CTF1: variants seen among roughly 807,000 people sequenced by gnomAD.
CTF1 encodes the protein cardiotrophin 1.
CTF1 carries 9 observed loss-of-function variants against 10.9 expected under a neutral mutation model. The observed-to-expected ratio is 0.83, with a 90% confidence interval of 0.50 to 1.44. The LOEUF is 1.44. CTF1 is among the 40% of genes most tolerant of loss of function. The pLI is 0.00. For missense variants in CTF1, 259 were observed against 275.3 expected, an observed-to-expected ratio of 0.94 and a Z score of 0.42; for synonymous variants, 133 against 138.8, an observed-to-expected ratio of 0.96 and a Z score of 0.29.
chr16:30,897,712 G>A (rs146009261), intron 1 of CTF1, among the ~76,000 whole-genome samples: 4 of 152,146 alleles, frequency 2.6e-5, no homozygotes, highest in Non-Finnish European at 5.9e-5. Flanking sequence ...AAAATTAACC[G>A]GGCATGGTGG....
chr16:30,896,139 C>A (rs535132788), upstream of CTF1, among the ~76,000 whole-genome samples: 1 of 152,174 alleles, frequency 6.6e-6, no homozygotes, highest in African/African-American at 2.4e-5. Context: ...GTGGGTGTGA[C>A]AATGAGATTG....
rs747626468 is a variant in CTF1 at position 30,902,091 on chromosome 16, G to A, written c.158G>A (p.Gly53Glu). 6.9e-7 allele frequency: 1 copy of A among 1,439,758 alleles called. No homozygotes were observed. Among genetic ancestry groups the A allele is most frequent in the South Asian group, 1.3e-5 (1 of 74,168 alleles). 89.2% of individuals were successfully genotyped at this position (1,439,758 alleles called of 1,614,324 possible). The change falls in exon 3 of 3, where the codon GGA becomes GAA. Residue 53 changes from glycine to glutamate, a missense_variant. Transcript: ENST00000279804. Reference protein sequence around the residue: ...QLLQEYVQLQGDPFGLPSFSP... With the variant: ...QLLQEYVQLQEDPFGLPSFSP... The stretch of plus-strand genomic sequence containing the variant: ...GTGTCTCCGCAGGTGCAGCTCCAGG[G>A]AGACCCCTTCGGGCTGCCCAGCTTC...
Position 30,902,612 on chromosome 16 carries a change from GC to G in CTF1, c.*75del. 7.1e-7 allele frequency: 1 copy of G among 1,415,446 alleles called. No individual in the cohort carries two copies. Among genetic ancestry groups the G allele is most frequent in the East Asian group, 3.0e-5 (1 of 32,842 alleles). 87.7% of individuals were successfully genotyped at this position (1,415,446 alleles called of 1,614,324 possible). A position where few individuals can be genotyped will look rare whatever the true frequency, so the allele number is the denominator to read the frequency against. On this transcript the variant is annotated 3_prime_UTR_variant, in exon 3 of 3. Coordinates refer to ENST00000279804, the MANE Select transcript of CTF1 (RefSeq NM_001330.5). ...TCCTTCCGCTTCTTTGTCTTTCTCT[GC>G]CGCTGTCGGTGTCTGTCTGTCTGCT...
In CTF1 at chr16:30,902,751, C is replaced by A; in HGVS notation, c.*212C>A. On this transcript the variant is annotated 3_prime_UTR_variant, in exon 3 of 3. Transcript: ENST00000279804. Reference sequence around the variant, plus strand: ...GTGCAGTGGCGCGATCCCAGCACTGCAGCCTCAACCTCCTGGGCTCAAGCC... The same window carrying A: ...GTGCAGTGGCGCGATCCCAGCACTGAAGCCTCAACCTCCTGGGCTCAAGCC... 1 of 586,528 alleles carries A rather than the reference C, an allele frequency of 1.7e-6. No individual in the cohort carries two copies. The highest frequency in any genetic ancestry group is 2.5e-6 in the Non-Finnish European group (1 of 394,234). The allele number at this position is 586,528 out of a possible 1,614,324, so 36.3% of individuals were successfully genotyped here.
upstream of CTF1, chr16:30,896,576 A>G (rs759518378): frequency 8.1e-6 from 10 of 1,241,680 alleles, no homozygotes; most frequent in Non-Finnish European, 9.2e-6. Context: ...CCACGCCCCC[A>G]GCCCTTTCCC....
In CTF1 at chr16:30,899,542, GAA is replaced by G; in HGVS notation, c.144+10_144+11del. The G allele has an allele frequency of 2.6e-6, 2 of 783,000 alleles. No individual in the cohort carries two copies. Among genetic ancestry groups the G allele is most frequent in the East Asian group, 3.6e-5 (1 of 27,906 alleles). The allele number at this position is 783,000 out of a possible 1,614,324, so 48.5% of individuals were successfully genotyped here. A position where few individuals can be genotyped will look rare whatever the true frequency, so the allele number is the denominator to read the frequency against. ...AGCTGCTCCAGGAATATGTGAGTGG[GAA>G]TGGGGGTGGGGGTGCCGGGGGCCTG... On this transcript the variant is annotated intron_variant, in intron 2 of 2. Transcript: ENST00000279804.
rs2055421774 is a variant in CTF1 at position 30,903,084 on chromosome 16, G to GC, written c.*547dup. The GC allele has an allele frequency of 6.5e-6, 1 of 152,826 alleles. No individual in the cohort carries two copies. Among genetic ancestry groups the GC allele is most frequent in the East Asian group, 1.9e-4 (1 of 5,206 alleles). 9.5% of individuals were successfully genotyped at this position (152,826 alleles called of 1,614,324 possible). ...TTGCTCTCCCTCCTTCCTTGGGCCTGCCTCAGTTCCCTTTGGCCTCCCCCT... is the reference window on the plus strand; with the variant it reads ...TTGCTCTCCCTCCTTCCTTGGGCCTGCCCTCAGTTCCCTTTGGCCTCCCCCT... On this transcript the variant is annotated 3_prime_UTR_variant, in exon 3 of 3. Coordinates refer to ENST00000279804, the MANE Select transcript of CTF1 (RefSeq NM_001330.5).
chr16:30,900,240 C>CT (rs1346199863), intron 2 of CTF1, among the ~76,000 whole-genome samples: 2 of 152,192 alleles, frequency 1.3e-5, no homozygotes, highest in Non-Finnish European at 2.9e-5. Flanking sequence ...CAAGAGGGCA[C>CT]TTTCACAGAA....
At position 30,902,135 on chromosome 16, in the gene CTF1, G is replaced by C; in HGVS notation, c.202G>C (p.Val68Leu). 1 of 1,408,226 alleles carries C rather than the reference G, an allele frequency of 7.1e-7. No individual in the cohort carries two copies. Among genetic ancestry groups the C allele is most frequent in the Non-Finnish European group, 9.3e-7 (1 of 1,077,362 alleles). The allele number at this position is 1,408,226 out of a possible 1,614,324, so 87.2% of individuals were successfully genotyped here. The change falls in exon 3 of 3, where the codon GTG (valine) becomes CTG (leucine). Residue 68 changes from valine to leucine, a missense_variant. By Grantham distance (32) the Val-to-Leu change is conservative (BLOSUM62 1). Coordinates refer to ENST00000279804, the MANE Select transcript of CTF1 (RefSeq NM_001330.5). ...LPSFSPPRLPVAGLSAPAPSH... is the reference protein window; with the variant it reads ...LPSFSPPRLPLAGLSAPAPSH... ...CAGCTTCTCGCCGCCGCGGCTGCCG[G>C]TGGCCGGCCTGAGCGCCCCGGCTCC...
Position 30,902,218 on chromosome 16 carries a change from C to T in CTF1, c.285C>T (p.Ala95=). ...ERLRLDAAAL[A]ALPPLLDAVC... is the part of the protein sequence containing the mutation. ...TGCGGCTGGACGCGGCGGCGCTGGC[C>T]GCGCTGCCCCCGCTGCTGGACGCAG... is the stretch of plus-strand genomic sequence containing the variant. Residue 95 remains alanine, a synonymous_variant, in exon 3 of 3, where the codon GCC becomes GCT. Coordinates refer to ENST00000279804, the MANE Select transcript of CTF1 (RefSeq NM_001330.5). 1.7e-6 allele frequency: 2 copies of T among 1,155,496 alleles called. No individual in the cohort carries two copies. The highest frequency in any genetic ancestry group is 1.1e-6 in the Non-Finnish European group (1 of 941,184). 71.6% of individuals were successfully genotyped at this position (1,155,496 alleles called of 1,614,324 possible). A position where few individuals can be genotyped will look rare whatever the true frequency, so the allele number is the denominator to read the frequency against.
chr16:30,897,387 G>A (rs916851593), intron 1 of CTF1, among the ~76,000 whole-genome samples: 1 of 152,156 alleles, frequency 6.6e-6, no homozygotes, highest in Non-Finnish European at 1.5e-5. Context: ...TGATGTTGAA[G>A]TCCACTAGCA....
At chr16:30,897,141 C>T (rs1411785944) in intron 1 of CTF1, among the ~76,000 whole-genome samples, 1 of 151,876 alleles carries the variant, frequency 6.6e-6, no homozygotes, top group Non-Finnish European at 1.5e-5. Context: ...GGGGGCGGGG[C>T]ACCGGGTCAG....
In CTF1 at chr16:30,902,527, G is replaced by T. The variant is rs1443088980; in HGVS notation, c.594G>T (p.Gly198=). Residue 198 remains glycine (G), a synonymous_variant, in exon 3 of 3, where the codon GGG becomes GGT. Transcript: ENST00000279804. ...TEGDLGQLLP[G]GSA The stretch of plus-strand genomic sequence containing the variant: ...GCGACCTGGGCCAGCTGCTGCCCGG[G>T]GGCTCGGCCTGAGCGCCGCGGGGCA... 15 of 1,495,928 alleles carry T rather than the reference G, an allele frequency of 1.0e-5. No individual in the cohort carries two copies. Among genetic ancestry groups the T allele is most frequent in the African/African-American group, 2.9e-5 (2 of 69,136 alleles). The allele number at this position is 1,495,928 out of a possible 1,614,324, so 92.7% of individuals were successfully genotyped here.
At position 30,902,276 on chromosome 16, in the gene CTF1, G is replaced by C. The variant is rs1211885926; in HGVS notation, c.343G>C (p.Ala115Pro). 9.6e-7 allele frequency: 1 copy of C among 1,041,062 alleles called. No homozygotes were observed. The highest frequency in any genetic ancestry group is 1.2e-6 in the Non-Finnish European group (1 of 868,502). The allele number at this position is 1,041,062 out of a possible 1,614,324, so 64.5% of individuals were successfully genotyped here. A position where few individuals can be genotyped will look rare whatever the true frequency, so the allele number is the denominator to read the frequency against. ...CRRQAELNPR[A>P]PRLLRRLEDA... is the part of the protein sequence containing the mutation. Reference sequence around the variant, plus strand: ...CCGCCAGGCCGAGCTGAACCCGCGCGCGCCGCGCCTGCTGCGCCGCCTGGA... The same window carrying C: ...CCGCCAGGCCGAGCTGAACCCGCGCCCGCCGCGCCTGCTGCGCCGCCTGGA... Residue 115 changes from alanine to proline, a missense_variant, in exon 3 of 3, where the codon GCG becomes CCG. Transcript: ENST00000279804.
intron 2 of CTF1, among the ~76,000 whole-genome samples, chr16:30,900,761 C>T (rs756161840): frequency 6.6e-6 from 1 of 152,142 alleles, no homozygotes; most frequent in Non-Finnish European, 1.5e-5. Flanking sequence ...CCACCCTTGG[C>T]GACAGTGTGA....
chr16:30,899,446 T>C lies in CTF1; in HGVS notation c.57T>C (p.Leu19=). 1 of 1,613,716 alleles carries C rather than the reference T, an allele frequency of 6.2e-7. No individual in the cohort carries two copies. Among genetic ancestry groups the C allele is most frequent in the Non-Finnish European group, 8.5e-7 (1 of 1,179,844 alleles). Residue 19 remains leucine, a synonymous_variant, in exon 2 of 3, where the codon CTT becomes CTC. Coordinates refer to ENST00000279804, the MANE Select transcript of CTF1 (RefSeq NM_001330.5). ...CCCAGACTGATTCCTCAGTCTCACT[T>C]CTTCCCCACTTGGAGGCCAAGATCC... ...EDPQTDSSVS[L]LPHLEAKIRQ...
chr16:30,902,036 G>A (rs1418683243), intron 2 of CTF1, 42 bp from the exon 3 acceptor site: 40 of 1,415,818 alleles, frequency 2.8e-5, no homozygotes, highest in Non-Finnish European at 3.6e-5. Flanking sequence ...CCCCCTGCCC[G>A]TGCTCCGGGG....
chr16:30,896,621 G>A lies in CTF1; in HGVS notation c.-23G>A, dbSNP rs2055352497. On this transcript the variant is annotated 5_prime_UTR_variant, in exon 1 of 3. Coordinates refer to ENST00000279804, the MANE Select transcript of CTF1 (RefSeq NM_001330.5). ...CCCTCGAAAGGGGGGCGTGAAGGGA[G>A]CCGGGATCAGCCAGGGGCCAGCATG... is the stretch of plus-strand genomic sequence containing the variant. 1 of 1,253,572 alleles carries A rather than the reference G, an allele frequency of 8.0e-7. No individual in the cohort carries two copies. The highest frequency in any genetic ancestry group is 1.0e-6 in the Non-Finnish European group (1 of 990,480). 77.7% of individuals were successfully genotyped at this position (1,253,572 alleles called of 1,614,324 possible). A position where few individuals can be genotyped will look rare whatever the true frequency, so the allele number is the denominator to read the frequency against.
At chr16:30,901,581 T>A (rs1330228332) in intron 2 of CTF1, among the ~76,000 whole-genome samples, 1 of 152,014 alleles carries the variant, frequency 6.6e-6, no homozygotes, top group African/African-American at 2.4e-5. Context: ...AGGTCCTATT[T>A]ATTTATTTAT....
Sources: allele counts gnomAD v4.1 joint callset (sites outside exome capture counted in the v4.1 genomes callset), GRCh38; gene constraint gnomAD v4.1.1; transcripts MANE v1.5; gene names NCBI Gene and HGNC (gene_info 2026-07-23, HGNC 2026-07-21).